The following ADAMTS19 variants were observed in gnomAD, a reference collection of about 807,000 sequenced individuals.
ADAMTS19 encodes the protein ADAM metallopeptidase with thrombospondin type 1 motif 19.
ADAMTS19 carries 93 observed loss-of-function variants against 153.3 expected under a neutral mutation model. That is an observed-to-expected ratio of 0.61 (90% CI 0.51 to 0.72). The LOEUF (loss-of-function observed/expected upper bound fraction) is 0.72. ADAMTS19 is among the 30% of genes least tolerant of loss of function. The probability of loss-of-function intolerance (pLI) is 0.00; values close to 1 mark genes in which losing one functional copy is unlikely to be tolerated. For synonymous variants in ADAMTS19, 600 were observed against 556.6 expected (o/e 1.08, Z -1.10); for missense variants, 1,482 against 1,552.1 (o/e 0.95, Z 0.76).
chr5:129,504,966 T>A (rs1267612987), intron 2 of ADAMTS19, among the ~76,000 whole-genome samples: 4 of 151,990 alleles, frequency 2.6e-5, no homozygotes, highest in Non-Finnish European at 4.4e-5. Flanking sequence ...TCGACTGTTG[T>A]TAATAGTGGT....
At chr5:129,587,192 C>A (rs1749851299) in intron 7 of ADAMTS19, among the ~76,000 whole-genome samples, 1 of 151,020 alleles carries the variant, frequency 6.6e-6, no homozygotes. Flanking sequence ...TGATTATAAT[C>A]TACTACTAGA....
intron 21 of ADAMTS19, among the ~76,000 whole-genome samples, chr5:129,712,498 A>T (rs1472250230): frequency 6.6e-6 from 1 of 152,148 alleles, no homozygotes; most frequent in African/African-American, 2.4e-5. Flanking sequence ...ACTCACCATT[A>T]TATCTGGAGA....
At chr5:129,645,939 A>C (rs1369971088) in intron 11 of ADAMTS19, among the ~76,000 whole-genome samples, 1 of 117,118 alleles carries the variant, frequency 8.5e-6, no homozygotes, top group Non-Finnish European at 1.6e-5. Flanking sequence ...CCCAGGCTGG[A>C]GTGCAGTGGC....
chr5:129,654,243 C>G, intron 13 of ADAMTS19, 63 bp from the exon 14 acceptor site: 1 of 1,459,882 alleles, frequency 6.8e-7, no homozygotes, highest in South Asian at 1.3e-5. Context: ...AAAAATGAAG[C>G]TTAAGATAAA....
intron 7 of ADAMTS19, among the ~76,000 whole-genome samples, chr5:129,584,135 T>G (rs1749667637): frequency 6.6e-6 from 1 of 152,146 alleles, no homozygotes; most frequent in Non-Finnish European, 1.5e-5. Context: ...TTAGTTTCCC[T>G]TCTAACAGTC....
At chr5:129,701,624 C>T (rs576477336) in intron 20 of ADAMTS19, 32 bp downstream of exon 20, 1 of 1,607,732 alleles carries the variant, frequency 6.2e-7, no homozygotes, top group Non-Finnish European at 8.5e-7. Flanking sequence ...TTCCCCATTC[C>T]TACTCTGACT....
intron 21 of ADAMTS19, among the ~76,000 whole-genome samples, chr5:129,706,267 A>T (rs1337819037): frequency 6.6e-6 from 1 of 152,210 alleles, no homozygotes; most frequent in African/African-American, 2.4e-5. Flanking sequence ...CTTTGGTGAT[A>T]AATAGAAAAA....
At chr5:129,569,169 A>T (rs186836669) in intron 7 of ADAMTS19, among the ~76,000 whole-genome samples, 208 of 152,204 alleles carry the variant, frequency 1.4e-3, no homozygotes, top group Admixed American at 2.5e-3. Context: ...AAACAAAACA[A>T]AAAAACCCTC....
intron 3 of ADAMTS19, among the ~76,000 whole-genome samples, chr5:129,511,902 A>T (rs774762508): frequency 1.3e-5 from 2 of 151,966 alleles, no homozygotes; most frequent in Admixed American, 6.6e-5. Context: ...AGAAACATGA[A>T]GTTTTTAGTG....
intron 22 of ADAMTS19, 57 bp downstream of exon 22, chr5:129,735,166 T>C (rs1757612756): frequency 7.0e-7 from 1 of 1,423,654 alleles, no homozygotes; most frequent in African/African-American, 1.5e-5. Flanking sequence ...TTATGGCTTC[T>C]TGTATTTTGT....
At chr5:129,594,244 A>G (rs1438155296) in intron 7 of ADAMTS19, among the ~76,000 whole-genome samples, 1 of 152,202 alleles carries the variant, frequency 6.6e-6, no homozygotes, top group Non-Finnish European at 1.5e-5. Context: ...TAGAATGGAT[A>G]CTGGAGAAGA....
chr5:129,669,432 T>C (rs1371438763), intron 16 of ADAMTS19, among the ~76,000 whole-genome samples: 1 of 152,188 alleles, frequency 6.6e-6, no homozygotes, highest in Non-Finnish European at 1.5e-5. Context: ...ATCCTTTTTA[T>C]TTCTGTAGCA....
chr5:129,576,689 A>T (rs1382102432), intron 7 of ADAMTS19, among the ~76,000 whole-genome samples: 1 of 151,544 alleles, frequency 6.6e-6, no homozygotes, highest in East Asian at 2.0e-4. Context: ...TGTGTAGGTC[A>T]GCAATCACAG....
Position 129,551,850 on chromosome 5 carries a change from AT to A in ADAMTS19, c.1329-9del. 6.5e-7 allele frequency: 1 copy of A among 1,541,454 alleles called. No homozygotes were observed. The highest frequency in any genetic ancestry group is 8.8e-7 in the Non-Finnish European group (1 of 1,136,246). On this transcript the variant is annotated splice_polypyrimidine_tract_variant and intron_variant, in intron 6 of 22. Transcript: ENST00000274487. ...TAATTTATCTTTATTTCAGTTTTCT[AT>A]TTTTCTTTCTAGGAAAGATTTCTGT... is the stretch of plus-strand genomic sequence containing the variant.
At chr5:129,547,986 A>G (rs903615782) in intron 6 of ADAMTS19, among the ~76,000 whole-genome samples, 1 of 150,840 alleles carries the variant, frequency 6.6e-6, no homozygotes, top group African/African-American at 2.5e-5. Flanking sequence ...AGAAAGCTGA[A>G]ACTGGATCCC....
intron 6 of ADAMTS19, among the ~76,000 whole-genome samples, chr5:129,529,786 G>A (rs1348309458): frequency 6.6e-6 from 1 of 152,116 alleles, no homozygotes; most frequent in African/African-American, 2.4e-5. Context: ...AACTTGGCAA[G>A]GGCTGGTCTG....
At chr5:129,605,238 A>G (rs879143719) in intron 8 of ADAMTS19, among the ~76,000 whole-genome samples, 31 of 152,174 alleles carry the variant, frequency 2.0e-4, no homozygotes, top group Admixed American at 2.0e-3. Flanking sequence ...ACCTTCCAAG[A>G]GCTTCCTGGT....
intron 7 of ADAMTS19, among the ~76,000 whole-genome samples, chr5:129,591,292 C>T (rs1266788345): frequency 6.7e-6 from 1 of 150,364 alleles, no homozygotes; most frequent in Middle Eastern, 3.2e-3. Flanking sequence ...TTTAAAATTA[C>T]ACTTTTTTTT....
At chr5:129,650,323 C>T (rs1452692485) in intron 13 of ADAMTS19, among the ~76,000 whole-genome samples, 1 of 152,124 alleles carries the variant, frequency 6.6e-6, no homozygotes, top group Non-Finnish European at 1.5e-5. Flanking sequence ...TTGAACTTTG[C>T]TTTCCATCAT....
Sources: gnomAD v4.1 joint callset for allele counts (sites outside exome capture counted in the v4.1 genomes callset) on GRCh38, gnomAD v4.1.1 for gene constraint, MANE v1.5 for transcripts, NCBI Gene and HGNC (gene_info 2026-07-23, HGNC 2026-07-21) for gene names.